Variants in STYXL1 observed in about 807,000 individuals in gnomAD.
The protein encoded by STYXL1 is serine/threonine/tyrosine-interacting-like protein 1.
A neutral mutation model predicts 36.4 loss-of-function variants in STYXL1; 32 were observed. That is an observed-to-expected ratio of 0.88 (90% CI 0.66 to 1.18). The LOEUF (loss-of-function observed/expected upper bound fraction) is 1.18. STYXL1 is among the 50% of genes most tolerant of loss of function. The pLI, the probability that STYXL1 is intolerant of heterozygous loss-of-function variation, is 0.00. For synonymous variants in STYXL1, 133 were observed against 144.1 expected, an observed-to-expected ratio of 0.92 and a Z score of 0.55; for missense variants, 354 against 394.1, an observed-to-expected ratio of 0.90 and a Z score of 0.86.
intron 4 of STYXL1, among the ~76,000 whole-genome samples, chr7:76,016,450 CACATATAT>C (rs1347580241): frequency 8.6e-5 from 13 of 150,716 alleles, no homozygotes; most frequent in Non-Finnish European, 1.8e-4. Context: ...CGCATATATA[CACATATAT>C]ACATATATAC....
chr7:76,031,336 A>AAAG lies in STYXL1; in HGVS notation c.-4-810_-4-809insCTT, dbSNP rs1459616278. On this transcript the variant is annotated intron_variant, in intron 1 of 8. Coordinates refer to ENST00000359697, the MANE Select transcript of STYXL1 (RefSeq NM_001317785.2). ...ACAGAGTGAGACTCTGTCTCCAAAAAAAAAAAAAAAAAAAAAAAAAAAGTA... is the reference window on the plus strand; with the variant it reads ...ACAGAGTGAGACTCTGTCTCCAAAAAAAGAAAAAAAAAAAAAAAAAAAAAAGTA... 5.7e-4 allele frequency among the ~76,000 whole-genome samples: 83 copies of AAAG among 146,574 alleles called. 1 individual carries two copies. Among genetic ancestry groups the AAAG allele is most frequent in the African/African-American group, 1.5e-3 (61 of 40,166 alleles).
At chr7:76,047,353 T>C (rs1001985163) in intron 1 of STYXL1, among the ~76,000 whole-genome samples, 3 of 152,236 alleles carry the variant, frequency 2.0e-5, no homozygotes, top group African/African-American at 7.2e-5. Context: ...CAAATCCACT[T>C]GGCCTCAGCC....
chr7:76,005,173 T>A, intron 6 of STYXL1, 86 bp downstream of exon 6: 1 of 880,456 alleles, frequency 1.1e-6, no homozygotes, highest in South Asian at 4.8e-5. Flanking sequence ...GTAATAATAA[T>A]AAAATTAAAA....
intron 5 of STYXL1, among the ~76,000 whole-genome samples, chr7:76,012,251 T>C (rs1449610609): frequency 1.3e-5 from 2 of 150,636 alleles, no homozygotes; most frequent in African/African-American, 2.4e-5. Context: ...AAACTACAGG[T>C]GTGAGTCGCC....
At chr7:75,999,318 A>G (rs1790509413) in intron 8 of STYXL1, among the ~76,000 whole-genome samples, 1 of 152,210 alleles carries the variant, frequency 6.6e-6, no homozygotes, top group South Asian at 2.1e-4. Flanking sequence ...AAATTCACAG[A>G]GACAAAAAGT....
At chr7:76,011,478 G>C (rs1191111801) in intron 5 of STYXL1, among the ~76,000 whole-genome samples, 1 of 152,106 alleles carries the variant, frequency 6.6e-6, no homozygotes, top group East Asian at 1.9e-4. Context: ...AGTCACATTT[G>C]CCCAGTCATT....
chr7:75,996,373 T>C lies in STYXL1; in HGVS notation c.*95A>G, dbSNP rs1554563859. The C allele has an allele frequency of 1.2e-6, 2 of 1,609,268 alleles. No homozygotes were observed. Among genetic ancestry groups the C allele is most frequent in the Admixed American group, 3.4e-5 (2 of 59,530 alleles). On this transcript the variant is annotated 3_prime_UTR_variant, in exon 9 of 9. Transcript: ENST00000359697. ...TTTCAGGCAGCAAAGGCCTTCTCCT[T>C]CCAGACAAGCCTGGGTATACACACT...
chr7:76,036,290 G>A (rs1027058567), intron 1 of STYXL1, among the ~76,000 whole-genome samples: 1 of 149,554 alleles, frequency 6.7e-6, no homozygotes, highest in South Asian at 2.2e-4. Context: ...TAGTAGTGAC[G>A]GGGTTTCACC....
At chr7:76,030,829 A>G (rs1219883543) in intron 1 of STYXL1, among the ~76,000 whole-genome samples, 1 of 145,858 alleles carries the variant, frequency 6.9e-6, no homozygotes, top group Non-Finnish European at 1.5e-5. Flanking sequence ...CCGGCCAACA[A>G]TGGCAAGACC....
chr7:75,999,951 G>A (rs563117546), intron 8 of STYXL1, among the ~76,000 whole-genome samples: 1 of 152,090 alleles, frequency 6.6e-6, no homozygotes, highest in East Asian at 1.9e-4. Context: ...AGGCCCTGGA[G>A]GAAGAATCGT....
At chr7:76,047,165 G>C (rs1375537263) in intron 1 of STYXL1, among the ~76,000 whole-genome samples, 1 of 152,000 alleles carries the variant, frequency 6.6e-6, no homozygotes, top group Non-Finnish European at 1.5e-5. Context: ...GGAGAATGAG[G>C]CAGGAGAACC....
At chr7:76,011,699 T>C (rs1244661370) in intron 5 of STYXL1, among the ~76,000 whole-genome samples, 1 of 152,248 alleles carries the variant, frequency 6.6e-6, no homozygotes, top group Non-Finnish European at 1.5e-5. Flanking sequence ...GACCAGGCCC[T>C]GCCTGCAAAT....
Position 76,034,948 on chromosome 7 carries a change from T to C in STYXL1, c.-4-4421A>G, listed in dbSNP as rs879954389. On this transcript the variant is annotated intron_variant, in intron 1 of 8. Coordinates refer to ENST00000359697, the MANE Select transcript of STYXL1 (RefSeq NM_001317785.2). ...GACCTGTCTACTGAGCTGCAGACTCTAGAAGGGTGCCTGGTAGACATCGTA... is the reference window on the plus strand; with the variant it reads ...GACCTGTCTACTGAGCTGCAGACTCCAGAAGGGTGCCTGGTAGACATCGTA... 3.4e-4 allele frequency among the ~76,000 whole-genome samples: 52 copies of C among 152,200 alleles called. 1 individual carries two copies. The highest frequency in any genetic ancestry group is 3.3e-3 in the Admixed American group (51 of 15,266).
intron 1 of STYXL1, chr7:76,045,871 T>C (rs904946822): frequency 2.6e-5 from 4 of 152,020 alleles, no homozygotes; most frequent in Admixed American, 6.6e-5. Flanking sequence ...CCCAGTCGCA[T>C]GTTGGACAAA....
rs781950256 is a variant in STYXL1 at position 76,021,995 on chromosome 7, TA to T, written c.166-4del. ...GGGAGAAGATATTCATTATTTTTCT[TA>T]AAAAAAAAAACACACACACACAAGA... On this transcript the variant is annotated splice_polypyrimidine_tract_variant and splice_region_variant and intron_variant, in intron 3 of 8. Transcript: ENST00000359697. 3,086 of 1,226,204 alleles carry T rather than the reference TA, an allele frequency of 2.5e-3. No individual in the cohort carries two copies. The highest frequency in any genetic ancestry group is 5.5e-3 in the Admixed American group (249 of 45,344). The allele number at this position is 1,226,204 out of a possible 1,614,324, so 76.0% of individuals were successfully genotyped here.
chr7:76,047,702 A>G lies in STYXL1; in HGVS notation c.-45T>C. 4.6e-6 allele frequency: 1 copy of G among 217,576 alleles called. No homozygotes were observed. The highest frequency in any genetic ancestry group is 9.4e-6 in the Non-Finnish European group (1 of 106,056). 13.5% of individuals were successfully genotyped at this position (217,576 alleles called of 1,614,324 possible). A position where few individuals can be genotyped will look rare whatever the true frequency, so the allele number is the denominator to read the frequency against. The stretch of plus-strand genomic sequence containing the variant: ...AGTCCCCTCTGGCCTCCAAGGGCAG[A>G]AGGAATGGGTTTGGCTGAGGTCGGG... On this transcript the variant is annotated 5_prime_UTR_variant, in exon 1 of 9. Transcript: ENST00000359697.
chr7:76,018,394 TA>T (rs1554574672), intron 4 of STYXL1, among the ~76,000 whole-genome samples: 1 of 151,880 alleles, frequency 6.6e-6, no homozygotes, highest in African/African-American at 2.4e-5. Context: ...TCAGTACTTT[TA>T]TTTTTTTTTT....
chr7:76,023,725 A>T (rs1554576915), intron 3 of STYXL1, among the ~76,000 whole-genome samples: 1 of 151,834 alleles, frequency 6.6e-6, no homozygotes, highest in African/African-American at 2.4e-5. Context: ...ACTTGTCTCA[A>T]ACCAACAAGG....
At chr7:76,005,552 G>T in intron 5 of STYXL1, 148 bp from the exon 6 acceptor site, 1 of 726,538 alleles carries the variant, frequency 1.4e-6, no homozygotes, top group Non-Finnish European at 2.3e-6. Context: ...GAAAGAGATT[G>T]GCACACGGTA....
Sources: allele counts gnomAD v4.1 joint callset (sites outside exome capture counted in the v4.1 genomes callset), GRCh38; gene constraint gnomAD v4.1.1; transcripts MANE v1.5; gene names NCBI Gene and HGNC (gene_info 2026-07-23, HGNC 2026-07-21).